ITSN1: variants seen among roughly 807,000 people sequenced by gnomAD.
ITSN1 encodes the protein intersectin 1, also known as intersectin-1.
In ITSN1, 58 loss-of-function variants were observed where a neutral mutation model predicts 239.8. The ratio of observed to expected loss-of-function variants is 0.24; its 90% confidence interval spans 0.20 to 0.30. The LOEUF is 0.30. Ranked by LOEUF, ITSN1 falls within the 10% of genes least tolerant of loss-of-function variation. The probability of loss-of-function intolerance (pLI) is 1.00; values close to 1 mark genes in which losing one functional copy is unlikely to be tolerated. For synonymous variants in ITSN1, 780 were observed against 770.8 expected (o/e 1.01, Z -0.20); for missense variants, 1,558 against 2,103.3 (o/e 0.74, Z 5.07).
intron 24 of ITSN1, 22 bp downstream of exon 24, chr21:33,819,345 T>C (rs1299126208): frequency 6.3e-7 from 1 of 1,580,490 alleles, no homozygotes. Context: ...AGTTGTATTA[T>C]GTTCTTCAGA....
intron 33 of ITSN1, among the ~76,000 whole-genome samples, chr21:33,868,301 C>G (rs1982039798): frequency 6.6e-6 from 1 of 152,254 alleles, no homozygotes; most frequent in Admixed American, 6.5e-5. Context: ...GCCTGCCAGT[C>G]TCGCGCCATG....
intron 5 of ITSN1, among the ~76,000 whole-genome samples, chr21:33,747,976 A>G (rs1211557632): frequency 6.6e-6 from 1 of 152,204 alleles, no homozygotes; most frequent in Non-Finnish European, 1.5e-5. Flanking sequence ...CAAGTTTAAA[A>G]GATATAAGAT....
chr21:33,748,825 A>G (rs993977310), intron 5 of ITSN1, among the ~76,000 whole-genome samples: 1 of 152,116 alleles, frequency 6.6e-6, no homozygotes, highest in South Asian at 2.1e-4. Context: ...TGATCATGCC[A>G]TTTCACTCTA....
At chr21:33,793,127 T>C (rs1176869005) in intron 16 of ITSN1, among the ~76,000 whole-genome samples, 2 of 152,236 alleles carry the variant, frequency 1.3e-5, no homozygotes, top group African/African-American at 4.8e-5. Flanking sequence ...AAGGTTAGCC[T>C]AACCCTTAGG....
intron 1 of ITSN1, among the ~76,000 whole-genome samples, chr21:33,643,142 C>G (rs2087574273): frequency 6.6e-6 from 1 of 151,580 alleles, no homozygotes; most frequent in South Asian, 2.1e-4. Context: ...CCGCCGGCCT[C>G]CCGGGGACCC....
At chr21:33,750,076 G>C in intron 5 of ITSN1, 67 bp from the exon 6 acceptor site, 1 of 1,421,946 alleles carries the variant, frequency 7.0e-7, no homozygotes, top group African/African-American at 1.4e-5. Context: ...GCAGTACTGG[G>C]TTAATTATTA....
intron 5 of ITSN1, among the ~76,000 whole-genome samples, chr21:33,742,352 G>T (rs983021945): frequency 5.3e-5 from 8 of 152,158 alleles, no homozygotes; most frequent in African/African-American, 1.7e-4. Context: ...ACCGCGCCTG[G>T]CCCTATTTTT....
At chr21:33,703,320 G>A (rs933244894) in intron 1 of ITSN1, among the ~76,000 whole-genome samples, 29 of 152,118 alleles carry the variant, frequency 1.9e-4, no homozygotes, top group Non-Finnish European at 2.9e-5. Flanking sequence ...AGGATCATCA[G>A]TATTTTTTCT....
At chr21:33,716,808 C>T (rs566596601) in intron 1 of ITSN1, among the ~76,000 whole-genome samples, 89 of 151,528 alleles carry the variant, frequency 5.9e-4, no homozygotes, top group African/African-American at 1.7e-3. Context: ...AAAAATTAGC[C>T]GGGCATGGTG....
intron 29 of ITSN1, among the ~76,000 whole-genome samples, chr21:33,850,033 C>T (rs1231128166): frequency 2.0e-5 from 3 of 152,136 alleles, no homozygotes; most frequent in African/African-American, 4.8e-5. Context: ...TAAAGCTGTG[C>T]CAGGAATTCC....
At chr21:33,838,696 T>A (rs2074718655) in intron 29 of ITSN1, among the ~76,000 whole-genome samples, 1 of 152,186 alleles carries the variant, frequency 6.6e-6, no homozygotes, top group Non-Finnish European at 1.5e-5. Flanking sequence ...CCTTCCCTGA[T>A]CAATATGCAA....
chr21:33,682,044 A>G lies in ITSN1; in HGVS notation c.-32-36753A>G, dbSNP rs1027521007. Among the ~76,000 whole-genome samples the G allele has an allele frequency of 2.0e-5, 3 of 151,064 alleles. No homozygotes were observed. In the Admixed American group the frequency reaches 2.0e-4, roughly 10 times the overall value. ...AATGAAAAGTGCTTTCTTGGGGGTCATTTTGCCATACCAAAAGATTATGTG... is the reference window on the plus strand; with the variant it reads ...AATGAAAAGTGCTTTCTTGGGGGTCGTTTTGCCATACCAAAAGATTATGTG... On this transcript the variant is annotated intron_variant, in intron 1 of 39. Transcript: ENST00000381318.
chr21:33,767,908 G>C, intron 11 of ITSN1, 80 bp downstream of exon 11: 1 of 748,116 alleles, frequency 1.3e-6, no homozygotes, highest in Non-Finnish European at 2.2e-6. Context: ...CAAAGATAGA[G>C]GTAAACATAA....
intron 33 of ITSN1, among the ~76,000 whole-genome samples, chr21:33,872,549 T>C (rs1175889369): frequency 6.6e-6 from 1 of 152,222 alleles, no homozygotes. Context: ...TACTTTTTTT[T>C]GAGACAGAGT....
intron 20 of ITSN1, among the ~76,000 whole-genome samples, chr21:33,804,013 T>C (rs375383972): frequency 2.4e-4 from 37 of 152,218 alleles, no homozygotes; most frequent in African/African-American, 8.2e-4. Flanking sequence ...TAGCAACAGG[T>C]TTGTATTTTT....
chr21:33,782,566 G>T (rs916431065), intron 16 of ITSN1, among the ~76,000 whole-genome samples: 2 of 152,104 alleles, frequency 1.3e-5, no homozygotes, highest in African/African-American at 4.8e-5. Context: ...TTTTAGTGGA[G>T]TAATTGCTTT....
intron 29 of ITSN1, 145 bp from the exon 30 acceptor site, chr21:33,856,591 T>C (rs1399522865): frequency 9.5e-7 from 1 of 1,054,504 alleles, no homozygotes; most frequent in East Asian, 2.4e-5. Flanking sequence ...CTTCCACATA[T>C]TACTGGGGAG....
Position 33,799,789 on chromosome 21 carries a change from C to G in ITSN1, c.2183-19C>G, listed in dbSNP as rs771455815. On this transcript the variant is annotated intron_variant, in intron 18 of 39. Transcript: ENST00000381318. ...TGTAATTATTTATTTTTGTCCCCCC[C>G]ACCTTTTTTTGTAAACAGAAAAAGG... 2 of 1,611,938 alleles carry G rather than the reference C, an allele frequency of 1.2e-6. No individual in the cohort carries two copies. The highest frequency in any genetic ancestry group is 1.7e-5 in the Admixed American group (1 of 59,608).
At chr21:33,685,457 T>A (rs185395576) in intron 1 of ITSN1, among the ~76,000 whole-genome samples, 1 of 151,938 alleles carries the variant, frequency 6.6e-6, no homozygotes, top group South Asian at 2.1e-4. Context: ...TTGAAAGGAG[T>A]TAGATGTATT....
Sources: allele counts gnomAD v4.1 joint callset (sites outside exome capture counted in the v4.1 genomes callset), GRCh38; gene constraint gnomAD v4.1.1; transcripts MANE v1.5; gene names NCBI Gene and HGNC (gene_info 2026-07-23, HGNC 2026-07-21).